KCNK4: variants seen among roughly 807,000 people sequenced by gnomAD.
KCNK4 encodes the protein potassium channel subfamily K member 4.
Under a neutral mutation model 28.8 loss-of-function variants are expected in KCNK4, and 22 were observed. The observed-to-expected ratio is 0.76, with a 90% CI of 0.55 to 1.09. The LOEUF (loss-of-function observed/expected upper bound fraction) is 1.09, where lower values mean the gene tolerates loss of function less well. KCNK4 is among the 50% of genes least tolerant of loss of function. The pLI, the probability that KCNK4 is intolerant of heterozygous loss-of-function variation, is 0.00. For synonymous variants in KCNK4, 263 were observed against 252.9 expected (o/e 1.04, Z -0.38); for missense variants, 483 against 546.3 (o/e 0.88, Z 1.15).
At position 64,299,909 on chromosome 11, in the gene KCNK4, C is replaced by T; in HGVS notation, c.*183C>T. 1 of 1,188,836 alleles carries T rather than the reference C, an allele frequency of 8.4e-7. No individual in the cohort carries two copies. The highest frequency in any genetic ancestry group is 1.2e-6 in the Non-Finnish European group (1 of 851,920). 73.6% of individuals were successfully genotyped at this position (1,188,836 alleles called of 1,614,324 possible). A position where few individuals can be genotyped will look rare whatever the true frequency, so the allele number is the denominator to read the frequency against. The stretch of plus-strand genomic sequence containing the variant: ...CACTTCCATCCATCTCTAGACCCCC[C>T]CAAGGCTTTCTGTGTCGCTGCCCCG... On this transcript the variant is annotated 3_prime_UTR_variant, in exon 7 of 7. Coordinates refer to ENST00000422670, the MANE Select transcript of KCNK4 (RefSeq NM_033310.3).
Position 64,292,981 on chromosome 11 carries a change from A to G in KCNK4, c.-38A>G. On this transcript the variant is annotated 5_prime_UTR_variant, in exon 2 of 7. Coordinates refer to ENST00000422670, the MANE Select transcript of KCNK4 (RefSeq NM_033310.3). ...CAGGAGCCCCCCGCCCGGCCCCTCC[A>G]GGCGGGCAGTGGAGCTGGCCCGGCG... 2 of 1,511,766 alleles carry G rather than the reference A, an allele frequency of 1.3e-6. No individual in the cohort carries two copies. The highest frequency in any genetic ancestry group is 1.8e-6 in the Non-Finnish European group (2 of 1,131,980). The allele number at this position is 1,511,766 out of a possible 1,614,324, so 93.6% of individuals were successfully genotyped here. A position where few individuals can be genotyped will look rare whatever the true frequency, so the allele number is the denominator to read the frequency against.
Position 64,297,677 on chromosome 11 carries a change from C to T in KCNK4, c.661+24C>T. The T allele has an allele frequency of 3.1e-6, 5 of 1,599,434 alleles. No individual in the cohort carries two copies. In the South Asian group the frequency reaches 4.4e-5, roughly 14 times the overall value. Reference sequence around the variant, plus strand: ...CGGTGAGGCCGCCCTTCTTGTGCTGCACTTTCCCATCTACTTTATTCCTGA... The same window carrying T: ...CGGTGAGGCCGCCCTTCTTGTGCTGTACTTTCCCATCTACTTTATTCCTGA... On this transcript the variant is annotated intron_variant, in intron 5 of 6. Coordinates refer to ENST00000422670, the MANE Select transcript of KCNK4 (RefSeq NM_033310.3).
Position 64,299,697 on chromosome 11 carries a change from C to A in KCNK4, c.1153C>A (p.Arg385Ser). 6.4e-7 allele frequency: 1 copy of A among 1,565,684 alleles called. No homozygotes were observed. The highest frequency in any genetic ancestry group is 1.9e-5 in the Admixed American group (1 of 53,528). ...GCCCGTGCGGCCCCGCGGCCCCGGG[C>A]GTCCCCGAGACAAAGGCGTGCCGGT... ...RKPVRPRGPG[R>S]PRDKGVPV Residue 385 changes from arginine to serine, a missense_variant, in exon 7 of 7, where the codon CGT (arginine) becomes AGT (serine). Coordinates refer to ENST00000422670, the MANE Select transcript of KCNK4 (RefSeq NM_033310.3).
At position 64,299,884 on chromosome 11, in the gene KCNK4, C is replaced by A. The variant is rs1482379257; in HGVS notation, c.*158C>A. On this transcript the variant is annotated 3_prime_UTR_variant, in exon 7 of 7. Transcript: ENST00000422670. ...TCCTCCCTGGCCCCGGCCCTTCCCT[C>A]ACTTCCATCCATCTCTAGACCCCCC... The A allele has an allele frequency of 1.9e-5, 27 of 1,407,868 alleles. No individual in the cohort carries two copies. The highest frequency in any genetic ancestry group is 2.3e-5 in the Non-Finnish European group (24 of 1,036,694). 87.2% of individuals were successfully genotyped at this position (1,407,868 alleles called of 1,614,324 possible).
chr11:64,293,217 T>TG lies in KCNK4; in HGVS notation c.189+13dup. 6.9e-7 allele frequency: 1 copy of TG among 1,446,112 alleles called. No individual in the cohort carries two copies. Among genetic ancestry groups the TG allele is most frequent in the Non-Finnish European group, 9.2e-7 (1 of 1,092,708 alleles). The allele number at this position is 1,446,112 out of a possible 1,614,324, so 89.6% of individuals were successfully genotyped here. The stretch of plus-strand genomic sequence containing the variant: ...GGGCCTCCTCATCAAGGTGCGTGGG[T>TG]GGGCCGCAGCCCCTTCAGCTGTCAC... On this transcript the variant is annotated intron_variant, in intron 2 of 6. Coordinates refer to ENST00000422670, the MANE Select transcript of KCNK4 (RefSeq NM_033310.3).
rs984634773 is a variant in KCNK4, at chr11:64,291,927, G to C, written c.-78+361G>C. The C allele has an allele frequency of 9.8e-6, 7 of 713,338 alleles. No individual in the cohort carries two copies. In the African/African-American group the frequency reaches 9.9e-5, roughly 10 times the overall value. 44.2% of individuals were successfully genotyped at this position (713,338 alleles called of 1,614,324 possible). A position where few individuals can be genotyped will look rare whatever the true frequency, so the allele number is the denominator to read the frequency against. On this transcript the variant is annotated intron_variant, in intron 1 of 6. Coordinates refer to ENST00000422670, the MANE Select transcript of KCNK4 (RefSeq NM_033310.3). ...GGCCGCCGGTCCCGCCGCCCGCCAC[G>C]CTCCGAGGCGTCGCTGTGCGGACGC...
At chr11:64,292,793 G>C in intron 1 of KCNK4, 149 bp from the exon 2 acceptor site, 7 of 798,012 alleles carry the variant, frequency 8.8e-6, no homozygotes, top group Non-Finnish European at 1.0e-5. Flanking sequence ...CTGGAGATAG[G>C]AGGGGGACTG....
At position 64,299,870 on chromosome 11, in the gene KCNK4, C is replaced by T. The variant is rs1301376461; in HGVS notation, c.*144C>T. The T allele has an allele frequency of 6.8e-7, 1 of 1,466,678 alleles. No individual in the cohort carries two copies. Among genetic ancestry groups the T allele is most frequent in the Non-Finnish European group, 9.2e-7 (1 of 1,087,290 alleles). The allele number at this position is 1,466,678 out of a possible 1,614,324, so 90.9% of individuals were successfully genotyped here. A position where few individuals can be genotyped will look rare whatever the true frequency, so the allele number is the denominator to read the frequency against. The stretch of plus-strand genomic sequence containing the variant: ...GTTGCCTCTCCGCCTCCTCCCTGGC[C>T]CCGGCCCTTCCCTCACTTCCATCCA... On this transcript the variant is annotated 3_prime_UTR_variant, in exon 7 of 7. Coordinates refer to ENST00000422670, the MANE Select transcript of KCNK4 (RefSeq NM_033310.3).
At position 64,296,363 on chromosome 11, in the gene KCNK4, T is replaced by C. The variant is rs149736625; in HGVS notation, c.190-515T>C. On this transcript the variant is annotated intron_variant, in intron 2 of 6. Coordinates refer to ENST00000422670, the MANE Select transcript of KCNK4 (RefSeq NM_033310.3). ...GAAAGGGACTCAAATTCAGCTTCCA[T>C]AGGTGCAATGGGAGTGGTGGGGTTG... Among the ~76,000 whole-genome samples, 24 of 152,134 alleles carry C rather than the reference T, an allele frequency of 1.6e-4. No homozygotes were observed. In the East Asian group the frequency reaches 3.9e-3, roughly 24 times the overall value.
chr11:64,296,732 G>C (rs1467975519), intron 2 of KCNK4, 146 bp from the exon 3 acceptor site: 6 of 710,526 alleles, frequency 8.4e-6, no homozygotes, highest in Admixed American at 3.7e-5. Flanking sequence ...ATCTTCTGCT[G>C]TAAGGGACTG....
intron 2 of KCNK4, among the ~76,000 whole-genome samples, chr11:64,295,299 G>C (rs2034737858): frequency 6.6e-6 from 1 of 152,166 alleles, no homozygotes; most frequent in African/African-American, 2.4e-5. Flanking sequence ...GAGATGTCAG[G>C]GGCCTGAGGG....
At chr11:64,298,374 C>A in intron 6 of KCNK4, 125 bp downstream of exon 6, 4 of 1,190,222 alleles carry the variant, frequency 3.4e-6, no homozygotes, top group Non-Finnish European at 3.5e-6. Context: ...GCTGAGTGAG[C>A]CTCTGTGTGT....
intron 1 of KCNK4, among the ~76,000 whole-genome samples, chr11:64,292,364 C>T (rs574446752): frequency 5.6e-4 from 85 of 152,158 alleles, no homozygotes; most frequent in Admixed American, 2.9e-3. Flanking sequence ...GTGCGGCGGC[C>T]GGGACCCGCC....
chr11:64,295,117 G>A (rs530991950), intron 2 of KCNK4, among the ~76,000 whole-genome samples: 2 of 152,308 alleles, frequency 1.3e-5, no homozygotes, highest in South Asian at 4.1e-4. Flanking sequence ...ATGCCAAGGG[G>A]ATATTGGAGT....
rs2034820398 is a variant in KCNK4, at chr11:64,298,043, A to C, written c.662-67A>C. On this transcript the variant is annotated intron_variant, in intron 5 of 6. Transcript: ENST00000422670. ...CCTCTCCAGGAACTGGGAGGGGGGC[A>C]CTGAACCAGAGCTCACAGGCTTGCC... The C allele has an allele frequency of 2.6e-6, 4 of 1,563,202 alleles. No homozygotes were observed. The African/African-American group carries it at 4.0e-5, about 16-fold the overall frequency.
At position 64,297,508 on chromosome 11, in the gene KCNK4, G is replaced by C. The variant is rs147311763; in HGVS notation, c.516G>C (p.Ala172=). The C allele has an allele frequency of 2.1e-5, 34 of 1,614,036 alleles. No homozygotes were observed. Among genetic ancestry groups the C allele is most frequent in the African/African-American group, 2.7e-5 (2 of 74,916 alleles). Residue 172 remains alanine (A), a synonymous_variant, in exon 5 of 7, where the codon GCG becomes GCC. Transcript: ENST00000422670. ...CGGAGCTAGTAAGAGTGCTGTCGGCGATGCTTTTCCTGCTGATCGGCTGCC... is the reference window on the plus strand; with the variant it reads ...CGGAGCTAGTAAGAGTGCTGTCGGCCATGCTTTTCCTGCTGATCGGCTGCC... The part of the protein sequence containing the change: ...VPPELVRVLS[A]MLFLLIGCLL...
At position 64,299,911 on chromosome 11, in the gene KCNK4, A is replaced by C; in HGVS notation, c.*185A>C. The C allele has an allele frequency of 2.9e-5, 33 of 1,141,230 alleles. No individual in the cohort carries two copies. Among genetic ancestry groups the C allele is most frequent in the Non-Finnish European group, 3.5e-5 (28 of 808,908 alleles). 70.7% of individuals were successfully genotyped at this position (1,141,230 alleles called of 1,614,324 possible). A position where few individuals can be genotyped will look rare whatever the true frequency, so the allele number is the denominator to read the frequency against. ...CTTCCATCCATCTCTAGACCCCCCC[A>C]AGGCTTTCTGTGTCGCTGCCCCGGG... On this transcript the variant is annotated 3_prime_UTR_variant, in exon 7 of 7. Coordinates refer to ENST00000422670, the MANE Select transcript of KCNK4 (RefSeq NM_033310.3).
At chr11:64,294,806 C>T (rs1656881073) in intron 2 of KCNK4, among the ~76,000 whole-genome samples, 3 of 151,778 alleles carry the variant, frequency 2.0e-5, no homozygotes, top group South Asian at 2.1e-4. Context: ...GGGACACAGA[C>T]CACCCGACAG....
chr11:64,294,245 C>T (rs1280811234), intron 2 of KCNK4, among the ~76,000 whole-genome samples: 7 of 152,030 alleles, frequency 4.6e-5, no homozygotes, highest in Non-Finnish European at 1.0e-4. Flanking sequence ...TGGCCGGGCA[C>T]GGTGGCTTAT....
Sources: allele counts gnomAD v4.1 joint callset (sites outside exome capture counted in the v4.1 genomes callset), GRCh38; gene constraint gnomAD v4.1.1; transcripts MANE v1.5; gene names NCBI Gene and HGNC (gene_info 2026-07-23, HGNC 2026-07-21).